The following LEMD3 variants were observed in gnomAD, a reference collection of about 807,000 sequenced individuals.
The protein encoded by LEMD3 is LEM domain containing 3, also known as inner nuclear membrane protein Man1.
Under a neutral mutation model 95.2 loss-of-function variants are expected in LEMD3, and 33 were observed. The ratio of observed to expected loss-of-function variants is 0.35; its 90% CI spans 0.26 to 0.46. The LOEUF (loss-of-function observed/expected upper bound fraction) is 0.46, where lower values mean the gene tolerates loss of function less well. Among genes scored for constraint, LEMD3 ranks in the 20% least tolerant of loss-of-function variants. The pLI, the probability that LEMD3 is intolerant of heterozygous loss-of-function variation, is 1.00. For missense variants in LEMD3, 1,210 were observed against 1,192.8 expected (o/e 1.01, Z -0.21); for synonymous variants, 525 against 474.6 (o/e 1.11, Z -1.38).
intron 4 of LEMD3, among the ~76,000 whole-genome samples, chr12:65,226,482 G>A (rs1273192069): frequency 6.6e-6 from 1 of 152,196 alleles, no homozygotes; most frequent in Non-Finnish European, 1.5e-5. Context: ...CTATTCTGCT[G>A]ATGTCACTCC....
intron 1 of LEMD3, among the ~76,000 whole-genome samples, chr12:65,201,674 T>A (rs138681103): frequency 6.6e-6 from 1 of 151,838 alleles, no homozygotes; most frequent in African/African-American, 2.4e-5. Context: ...GTTCCAGGAG[T>A]TTTTTTTGAT....
chr12:65,242,416 G>A (rs780131249), intron 9 of LEMD3, among the ~76,000 whole-genome samples: 2 of 152,066 alleles, frequency 1.3e-5, no homozygotes, highest in Non-Finnish European at 2.9e-5. Context: ...AATGAAGTCT[G>A]GTTTTCAGAT....
chr12:65,211,050 A>C (rs889809151), intron 2 of LEMD3, 87 bp downstream of exon 2: 4 of 1,000,296 alleles, frequency 4.0e-6, no homozygotes, highest in Non-Finnish European at 6.3e-6. Flanking sequence ...AAAAAAAGTA[A>C]TTTTAAAGTT....
intron 4 of LEMD3, among the ~76,000 whole-genome samples, chr12:65,224,802 GTGTTTT>G (rs2095333216): frequency 6.6e-6 from 1 of 152,014 alleles, no homozygotes. Context: ...AAATAACATG[GTGTTTT>G]TGTTTTTGTT....
intron 9 of LEMD3, among the ~76,000 whole-genome samples, chr12:65,241,754 A>T (rs1337675756): frequency 6.6e-6 from 1 of 152,226 alleles, no homozygotes; most frequent in Admixed American, 6.6e-5. Context: ...TTTGCTAAAC[A>T]TAGTATTTGT....
intron 4 of LEMD3, among the ~76,000 whole-genome samples, chr12:65,229,250 A>G (rs1191513000): frequency 6.6e-6 from 1 of 152,208 alleles, no homozygotes; most frequent in African/African-American, 2.4e-5. Flanking sequence ...GCTGAATAGT[A>G]TTCCATTGTA....
intron 1 of LEMD3, among the ~76,000 whole-genome samples, chr12:65,175,947 T>C (rs1018583199): frequency 6.6e-6 from 1 of 152,172 alleles, no homozygotes; most frequent in Non-Finnish European, 1.5e-5. Context: ...CCTAGATTCT[T>C]TCCTTTCCCT....
At chr12:65,222,106 T>A (rs1260862320) in intron 4 of LEMD3, among the ~76,000 whole-genome samples, 1 of 152,212 alleles carries the variant, frequency 6.6e-6, no homozygotes, top group Non-Finnish European at 1.5e-5. Flanking sequence ...ATGTATGGCC[T>A]TTAATATGTT....
At chr12:65,197,235 A>G (rs1354014089) in intron 1 of LEMD3, among the ~76,000 whole-genome samples, 2 of 152,094 alleles carry the variant, frequency 1.3e-5, no homozygotes, top group African/African-American at 2.4e-5. Flanking sequence ...CATATTTCCC[A>G]TCTCAAGGTG....
At chr12:65,208,152 A>T (rs1869820689) in intron 1 of LEMD3, among the ~76,000 whole-genome samples, 2 of 152,136 alleles carry the variant, frequency 1.3e-5, no homozygotes, top group Non-Finnish European at 2.9e-5. Context: ...AAGGACCTTT[A>T]CAAAGAAAAG....
chr12:65,235,951 G>T (rs1215004814), intron 4 of LEMD3, among the ~76,000 whole-genome samples: 1 of 152,008 alleles, frequency 6.6e-6, no homozygotes, highest in African/African-American at 2.4e-5. Context: ...TAAAAAAACA[G>T]ATGGCCTATA....
At chr12:65,209,475 A>G (rs1483681683) in intron 1 of LEMD3, among the ~76,000 whole-genome samples, 1 of 152,120 alleles carries the variant, frequency 6.6e-6, no homozygotes, top group Non-Finnish European at 1.5e-5. Context: ...TTTTTTTGGT[A>G]GTACGTTGAG....
At chr12:65,214,815 C>A (rs942121536) in intron 2 of LEMD3, among the ~76,000 whole-genome samples, 5 of 152,116 alleles carry the variant, frequency 3.3e-5, no homozygotes, top group Non-Finnish European at 5.9e-5. Flanking sequence ...TAAGCTATTA[C>A]CCCCTCCCCA....
At chr12:65,184,250 C>T (rs1029486358) in intron 1 of LEMD3, among the ~76,000 whole-genome samples, 28 of 151,906 alleles carry the variant, frequency 1.8e-4, no homozygotes, top group Non-Finnish European at 4.1e-4. Context: ...CAAACTTTTT[C>T]ATTTCAAAAG....
In LEMD3 at chr12:65,206,497, G is replaced by A. The variant is rs912701849; in HGVS notation, c.1523-4429G>A. Among the ~76,000 whole-genome samples the A allele has an allele frequency of 7.9e-5, 12 of 152,152 alleles. No individual in the cohort carries two copies. In the East Asian group the frequency reaches 1.7e-3, roughly 22 times the overall value. On this transcript the variant is annotated intron_variant, in intron 1 of 12. Transcript: ENST00000308330. Reference sequence around the variant, plus strand: ...ACAAGTAGGCACTTTATATGTTTGCGAATATTTTATGTTGGAAGATGAAGC... The same window carrying A: ...ACAAGTAGGCACTTTATATGTTTGCAAATATTTTATGTTGGAAGATGAAGC...
chr12:65,245,297 ATTTT>A, intron 10 of LEMD3: 2 of 169,924 alleles, frequency 1.2e-5, no homozygotes, highest in Admixed American at 6.0e-5. Context: ...CGCCTGGCTA[ATTTT>A]TTTTTTTTTT....
chr12:65,205,541 A>G (rs114726162), intron 1 of LEMD3, among the ~76,000 whole-genome samples: 3,210 of 152,150 alleles, frequency 0.021, 77 homozygotes, highest in African/African-American at 0.051. Flanking sequence ...TAAAGTTTTT[A>G]TTTTTTACAA....
intron 4 of LEMD3, among the ~76,000 whole-genome samples, chr12:65,236,508 AC>A (rs1870776541): frequency 6.6e-6 from 1 of 151,848 alleles, no homozygotes; most frequent in South Asian, 2.1e-4. Flanking sequence ...GCGAGTTCGC[AC>A]CACTGCACTC....
chr12:65,195,942 A>C (rs1472814064), intron 1 of LEMD3, among the ~76,000 whole-genome samples: 1 of 152,134 alleles, frequency 6.6e-6, no homozygotes, highest in Non-Finnish European at 1.5e-5. Flanking sequence ...AGGATCAAGA[A>C]GTCCTGGATC....
Sources: allele counts gnomAD v4.1 joint callset (sites outside exome capture counted in the v4.1 genomes callset), GRCh38; gene constraint gnomAD v4.1.1; transcripts MANE v1.5; gene names NCBI Gene and HGNC (gene_info 2026-07-23, HGNC 2026-07-21).